Variants in SLC6A13 observed in about 807,000 individuals in gnomAD.
SLC6A13 encodes the protein solute carrier family 6 member 13, also known as sodium- and chloride-dependent GABA transporter 2.
In SLC6A13, 69 loss-of-function variants were observed where a neutral mutation model predicts 72.9. The ratio of observed to expected loss-of-function variants is 0.95; its 90% CI spans 0.78 to 1.16. SLC6A13 has a LOEUF of 1.16. Among genes scored for constraint, SLC6A13 ranks in the 50% most tolerant of loss-of-function variants. SLC6A13 has a pLI of 0.00. For synonymous variants in SLC6A13, 303 were observed against 303.0 expected, an observed-to-expected ratio of 1.00 and a Z score of 0.00; for missense variants, 735 against 760.5, an observed-to-expected ratio of 0.97 and a Z score of 0.39.
rs764528447 is a variant in SLC6A13 at position 223,198 on chromosome 12, C to T, written c.1348G>A (p.Ala450Thr). 1.2e-6 allele frequency: 2 copies of T among 1,613,714 alleles called. No homozygotes were observed. The highest frequency in any genetic ancestry group is 1.7e-6 in the Non-Finnish European group (2 of 1,179,650). ...MYVFQLFDYY[A>T]ASGMCLLFVA... The stretch of plus-strand genomic sequence containing the variant: ...AACAGGAGGCACATGCCACTGGCCG[C>T]ATAGTAGTCAAAGAGCTGGAACACG... The change falls in exon 12 of 15, where the codon GCG becomes ACG. Residue 450 changes from alanine to threonine, a missense_variant. Ala to Thr is a moderately conservative substitution (Grantham distance 58, BLOSUM62 0). Coordinates refer to ENST00000343164, the MANE Select transcript of SLC6A13 (RefSeq NM_016615.5).
At chr12:244,003 C>A (rs1942262738) in intron 2 of SLC6A13, among the ~76,000 whole-genome samples, 190 bp from the exon 3 acceptor site, 1 of 152,188 alleles carries the variant, frequency 6.6e-6, no homozygotes, top group South Asian at 2.1e-4. Flanking sequence ...TATCTAAGAT[C>A]TACACAGCCT....
At chr12:262,302 T>C (rs1942951830) in intron 1 of SLC6A13, among the ~76,000 whole-genome samples, 1 of 152,234 alleles carries the variant, frequency 6.6e-6, no homozygotes, top group Admixed American at 6.5e-5. Context: ...CTCATACCAA[T>C]GTCTGACTTC....
intron 2 of SLC6A13, among the ~76,000 whole-genome samples, chr12:246,392 G>A (rs138207082): frequency 5.9e-5 from 9 of 152,200 alleles, no homozygotes; most frequent in East Asian, 3.9e-4. Context: ...GTATTCAATC[G>A]AAAATTACCA....
rs1378181927 is a variant in SLC6A13, at chr12:221,541, G to C, written c.1521C>G (p.Thr507=). 1 of 1,585,878 alleles carries C rather than the reference G, an allele frequency of 6.3e-7. No homozygotes were observed. Among genetic ancestry groups the C allele is most frequent in the South Asian group, 1.1e-5 (1 of 87,752 alleles). The change falls in exon 14 of 15, where the codon ACC becomes ACG. Residue 507 remains threonine, a synonymous_variant. Transcript: ENST00000343164. ...TGTACTTTATCAGGGAGAAGAGAAAGGTGGCCTGAGGGGGAGAGCAGAAGA... is the reference window on the plus strand; with the variant it reads ...TGTACTTTATCAGGGAGAAGAGAAACGTGGCCTGAGGGGGAGAGCAGAAGA... The part of the protein sequence containing the change: ...LFLTPAVCTA[T]FLFSLIKYTP...
At chr12:259,777 G>A (rs568268715) in intron 2 of SLC6A13, 74 bp downstream of exon 2, 2 of 1,614,134 alleles carry the variant, frequency 1.2e-6, no homozygotes, top group Non-Finnish European at 1.7e-6. Flanking sequence ...CTCCCCAGAG[G>A]GGCCGTAAGT....
chr12:224,202 C>A, intron 10 of SLC6A13, 73 bp from the exon 11 acceptor site: 1 of 1,584,248 alleles, frequency 6.3e-7, no homozygotes, highest in Non-Finnish European at 8.6e-7. Flanking sequence ...GCTGGCTTCT[C>A]GCTCCCAGGA....
At chr12:251,035 A>G (rs1052362780) in intron 2 of SLC6A13, among the ~76,000 whole-genome samples, 1 of 151,950 alleles carries the variant, frequency 6.6e-6, no homozygotes, top group Non-Finnish European at 1.5e-5. Flanking sequence ...GGGCACCTGT[A>G]GTCCCAGCTA....
At chr12:234,217 T>G (rs1317507657) in intron 7 of SLC6A13, among the ~76,000 whole-genome samples, 1 of 152,148 alleles carries the variant, frequency 6.6e-6, no homozygotes, top group East Asian at 1.9e-4. Flanking sequence ...ATATGTAAAT[T>G]ATTATGCATT....
rs774603635 is a variant in SLC6A13 at position 224,356 on chromosome 12, C to A, written c.1173+45G>T. 13 of 1,503,792 alleles carry A rather than the reference C, an allele frequency of 8.6e-6. No individual in the cohort carries two copies. The Admixed American group carries it at 1.0e-4, about 12-fold the overall frequency. 93.2% of individuals were successfully genotyped at this position (1,503,792 alleles called of 1,614,324 possible). ...CATGGCTCCTCCTCCCCAGCACACA[C>A]CCCCCCACTCATCTCTCAGCCTCTG... On this transcript the variant is annotated intron_variant, in intron 10 of 14. Transcript: ENST00000343164.
At chr12:229,181 C>G (rs76937861) in intron 7 of SLC6A13, among the ~76,000 whole-genome samples, 1 of 152,040 alleles carries the variant, frequency 6.6e-6, no homozygotes, top group Non-Finnish European at 1.5e-5. Context: ...TCACACAGAG[C>G]AGGAAATGCT....
rs756578408 is a variant in SLC6A13, at chr12:223,197, G to T, written c.1349C>A (p.Ala450Glu). ...MYVFQLFDYY[A>E]ASGMCLLFVA... is the part of the protein sequence containing the mutation. ...GAACAGGAGGCACATGCCACTGGCCGCATAGTAGTCAAAGAGCTGGAACAC... is the reference window on the plus strand; with the variant it reads ...GAACAGGAGGCACATGCCACTGGCCTCATAGTAGTCAAAGAGCTGGAACAC... The change falls in exon 12 of 15, where the codon GCG becomes GAG. Residue 450 changes from alanine to glutamate, a missense_variant. By Grantham distance (107) the Ala-to-Glu change is moderately radical (BLOSUM62 -1). Transcript: ENST00000343164. 1.2e-6 allele frequency: 2 copies of T among 1,613,536 alleles called. No individual in the cohort carries two copies. The highest frequency in any genetic ancestry group is 1.7e-6 in the Non-Finnish European group (2 of 1,179,510).
chr12:237,633 C>T (rs920964855), intron 5 of SLC6A13, among the ~76,000 whole-genome samples: 5 of 152,100 alleles, frequency 3.3e-5, no homozygotes, highest in Non-Finnish European at 7.4e-5. Flanking sequence ...AGTCCACACT[C>T]TTGCAGCCAC....
chr12:238,839 G>A lies in SLC6A13; in HGVS notation c.479-829C>T, dbSNP rs544481851. On this transcript the variant is annotated intron_variant, in intron 4 of 14. Transcript: ENST00000343164. ...CCTTCTGTCACCTCTACCACCACCCGGTACAGGGTGGCAGCATCAGCTCCC... is the reference window on the plus strand; with the variant it reads ...CCTTCTGTCACCTCTACCACCACCCAGTACAGGGTGGCAGCATCAGCTCCC... Among the ~76,000 whole-genome samples, 6 of 152,156 alleles carry A rather than the reference G, an allele frequency of 3.9e-5. No homozygotes were observed. The East Asian group carries it at 5.8e-4, about 15-fold the overall frequency.
chr12:252,333 T>G (rs948594531), intron 2 of SLC6A13, among the ~76,000 whole-genome samples: 2 of 152,206 alleles, frequency 1.3e-5, no homozygotes, highest in African/African-American at 4.8e-5. Context: ...TGGGATGTGA[T>G]GGCAGGAGTG....
chr12:243,624 C>T (rs1565502092), intron 3 of SLC6A13, 55 bp downstream of exon 3: 4 of 1,563,290 alleles, frequency 2.6e-6, no homozygotes, highest in Non-Finnish European at 3.5e-6. Flanking sequence ...TCATTCCAAA[C>T]AAGGTTTATA....
At chr12:234,504 T>C (rs189649044) in intron 7 of SLC6A13, among the ~76,000 whole-genome samples, 4 of 148,990 alleles carry the variant, frequency 2.7e-5, no homozygotes, top group South Asian at 4.2e-4. Flanking sequence ...TATTTCATTT[T>C]ATTTTATTTT....
intron 4 of SLC6A13, chr12:238,395 G>A: frequency 1.6e-6 from 2 of 1,251,712 alleles, no homozygotes; most frequent in Non-Finnish European, 1.0e-6. Flanking sequence ...CGAGAGCGCA[G>A]GTTGGAAAGC....
At position 221,462 on chromosome 12, in the gene SLC6A13, C is replaced by T. The variant is rs1456957110; in HGVS notation, c.1600G>A (p.Gly534Ser). ...ATGGAGGACAGAGCCAGGAGCCAGC[C>T]CAGGGCATCGCCCCACCACGGGTAC... ...YTYPWWGDAL[G>S]WLLALSSMVC... The change falls in exon 14 of 15, where the codon GGC becomes AGC. Residue 534 changes from glycine to serine, a missense_variant. Physicochemically the swap from Gly to Ser is moderately conservative, Grantham distance 56. Transcript: ENST00000343164. 6.2e-7 allele frequency: 1 copy of T among 1,613,948 alleles called. No homozygotes were observed. Among genetic ancestry groups the T allele is most frequent in the South Asian group, 1.1e-5 (1 of 91,074 alleles).
rs1248506689 is a variant in SLC6A13 at position 226,397 on chromosome 12, G to A, written c.1053C>T (p.Ala351=). The change falls in exon 9 of 15, where the codon GCC becomes GCT. Residue 351 remains alanine, a synonymous_variant. Transcript: ENST00000343164. ...QEQGVPISEV[A]ESGPGLAFIA... ...CTCCCCAGTAACACTCACCTGACTC[G>A]GCCACCTCAGAAATGGGCACCCCCT... 23 of 1,613,712 alleles carry A rather than the reference G, an allele frequency of 1.4e-5. No homozygotes were observed. Among genetic ancestry groups the A allele is most frequent in the African/African-American group, 4.0e-5 (3 of 74,902 alleles).
Sources: gnomAD v4.1 joint callset for allele counts (sites outside exome capture counted in the v4.1 genomes callset) on GRCh38, gnomAD v4.1.1 for gene constraint, MANE v1.5 for transcripts, NCBI Gene and HGNC (gene_info 2026-07-23, HGNC 2026-07-21) for gene names.